MCM3AP: variants seen among roughly 807,000 people sequenced by gnomAD.
MCM3AP encodes the protein germinal-center associated nuclear protein.
A neutral mutation model predicts 184.1 loss-of-function variants in MCM3AP; 126 were observed. That is an observed-to-expected ratio of 0.68 (90% CI 0.59 to 0.79). The LOEUF (loss-of-function observed/expected upper bound fraction) is 0.79, where lower values mean the gene tolerates loss of function less well. Among genes scored for constraint, MCM3AP ranks in the 30% least tolerant of loss-of-function variants. The probability of loss-of-function intolerance (pLI) is 0.00; values close to 1 mark genes in which losing one functional copy is unlikely to be tolerated. For missense variants in MCM3AP, 2,496 were observed against 2,479.2 expected (o/e 1.01, Z -0.14); for synonymous variants, 1,002 against 979.3 (o/e 1.02, Z -0.43).
Position 46,284,491 on chromosome 21 carries a change from T to C in MCM3AP, c.796A>G (p.Ser266Gly). 6.2e-7 allele frequency: 1 copy of C among 1,614,222 alleles called. No homozygotes were observed. Residue 266 changes from serine to glycine, a missense_variant, in exon 1 of 28, where the codon AGC becomes GGC. This residue lies in a region of MCM3AP where 800 missense variants were observed against 717.1 expected (regional missense o/e 1.12). Coordinates refer to ENST00000291688, the MANE Select transcript of MCM3AP (RefSeq NM_003906.5). The stretch of plus-strand genomic sequence containing the variant: ...CACCCCTGCCTGACACCTGCTTTGC[T>C]AGCCTGGAAAGGTTCGCCCAAAACC... ...SAVLGEPFQA[S>G]KAGVRQGCEE...
chr21:46,280,274 T>A, intron 3 of MCM3AP, 137 bp from the exon 4 acceptor site: 1 of 1,046,102 alleles, frequency 9.6e-7, no homozygotes, highest in South Asian at 1.4e-5. Context: ...GAAATAACTG[T>A]GAGATGCAAA....
chr21:46,236,614 A>G (rs1403477094), intron 27 of MCM3AP, among the ~76,000 whole-genome samples: 1 of 152,222 alleles, frequency 6.6e-6, no homozygotes, highest in Non-Finnish European at 1.5e-5. Context: ...GAATATTTCA[A>G]TTCTATTCTT....
chr21:46,269,037 C>CAAAAAAAAAAAAAAAAAAAAAAAAAAAAA (rs1569074325), intron 9 of MCM3AP, among the ~76,000 whole-genome samples: 1 of 152,128 alleles, frequency 6.6e-6, no homozygotes, highest in East Asian at 1.9e-4. Context: ...GACTCCATCT[C>CAAAAAAAAAAAAAAAAAAAAAAAAAAAAA]TAAATAAATA....
intron 5 of MCM3AP, among the ~76,000 whole-genome samples, chr21:46,276,770 C>T (rs1211456412): frequency 2.2e-5 from 3 of 137,700 alleles, no homozygotes; most frequent in East Asian, 4.4e-4. Flanking sequence ...CAGAATCTCA[C>T]CCTGTTGTCC....
At chr21:46,264,781 CA>C (rs1448137043) in intron 12 of MCM3AP, among the ~76,000 whole-genome samples, 7 of 57,652 alleles carry the variant, frequency 1.2e-4, no homozygotes, top group African/African-American at 3.1e-4. Context: ...CCACGCCTAT[CA>C]GGGGGCACAG....
intron 22 of MCM3AP, 37 bp from the exon 23 acceptor site, chr21:46,245,234 ACT>A: frequency 1.3e-6 from 2 of 1,560,576 alleles, no homozygotes; most frequent in Non-Finnish European, 1.7e-6. Context: ...AACAATTCAC[ACT>A]GTTTTTCAAA....
Position 46,273,541 on chromosome 21 carries a change from C to G in MCM3AP, c.2043G>C (p.Ala681=), listed in dbSNP as rs183722756. 24 of 1,613,560 alleles carry G rather than the reference C, an allele frequency of 1.5e-5. No homozygotes were observed. The highest frequency in any genetic ancestry group is 1.9e-5 in the Non-Finnish European group (22 of 1,179,818). The change falls in exon 7 of 28, where the codon GCG becomes GCC. Residue 681 remains alanine, a synonymous_variant. Transcript: ENST00000291688. ...CGTGGGGCAGGGGCTCCTCCTGATC[C>G]GCCGAGGACCGACTGTACTCTTTCA... is the stretch of plus-strand genomic sequence containing the variant. ...AAVKEYSRSS[A]DQEEPLPHEL... is the part of the protein sequence containing the mutation.
At chr21:46,260,061 G>C (rs987693743) in intron 15 of MCM3AP, among the ~76,000 whole-genome samples, 7 of 151,848 alleles carry the variant, frequency 4.6e-5, no homozygotes, top group African/African-American at 1.7e-4. Context: ...GGGCGACAGA[G>C]CAAGACTCCG....
At chr21:46,247,054 TC>T in intron 20 of MCM3AP, 168 bp from the exon 21 acceptor site, 1 of 600,544 alleles carries the variant, frequency 1.7e-6, no homozygotes, top group South Asian at 2.3e-5. Flanking sequence ...TTATCTTACT[TC>T]CTGTAGTTAT....
intron 25 of MCM3AP, chr21:46,242,592 C>A: frequency 2.5e-6 from 1 of 405,146 alleles, no homozygotes; most frequent in Non-Finnish European, 4.4e-6. Context: ...GGTATGATTT[C>A]AGGGTCAGGT....
chr21:46,282,589 G>T (rs1197000790), intron 2 of MCM3AP, among the ~76,000 whole-genome samples: 1 of 152,120 alleles, frequency 6.6e-6, no homozygotes, highest in Non-Finnish European at 1.5e-5. Flanking sequence ...CAGATCGTGA[G>T]GTCAGGAGAT....
At chr21:46,283,050 C>T (rs9981296) in intron 2 of MCM3AP, among the ~76,000 whole-genome samples, 3 of 151,698 alleles carry the variant, frequency 2.0e-5, no homozygotes, top group South Asian at 2.1e-4. Flanking sequence ...CTCAGCCTCC[C>T]GAGTAGCTGA....
chr21:46,273,794 G>A (rs942875238), intron 6 of MCM3AP, among the ~76,000 whole-genome samples: 3 of 152,182 alleles, frequency 2.0e-5, no homozygotes, highest in Non-Finnish European at 4.4e-5. Context: ...ATATGACAAG[G>A]AGTTAAGATA....
In MCM3AP at chr21:46,260,871, A is replaced by G; in HGVS notation, c.3503T>C (p.Leu1168Pro). ...KQERELVLSE[L>P]SQGLAVELME... Reference sequence around the variant, plus strand: ...CAGCTCCACGGCCAGGCCCTGGCTCAGCTCACTTAACACCAGCTCTCTCTC... The same window carrying G: ...CAGCTCCACGGCCAGGCCCTGGCTCGGCTCACTTAACACCAGCTCTCTCTC... The change falls in exon 15 of 28, where the codon CTG (leucine) becomes CCG (proline). Residue 1168 changes from leucine to proline, a missense_variant. Physicochemically the swap from Leu to Pro is moderately conservative, Grantham distance 98 (BLOSUM62 -3). Transcript: ENST00000291688. 2.5e-6 allele frequency: 4 copies of G among 1,614,050 alleles called. No homozygotes were observed. The highest frequency in any genetic ancestry group is 3.4e-6 in the Non-Finnish European group (4 of 1,179,884).
rs558524645 is a variant in MCM3AP, at chr21:46,254,483, C to G, written c.4045G>C (p.Glu1349Gln). The G allele has an allele frequency of 3.1e-6, 5 of 1,614,176 alleles. No individual in the cohort carries two copies. The East Asian group carries it at 8.9e-5, about 29-fold the overall frequency. ...ASLDLPSLVA[E>Q]HLPGRQEHVF... Reference sequence around the variant, plus strand: ...TGCTCCTGCCTCCCAGGGAGGTGCTCAGCCACGAGGGATGGCAGGTCCAGA... The same window carrying G: ...TGCTCCTGCCTCCCAGGGAGGTGCTGAGCCACGAGGGATGGCAGGTCCAGA... Residue 1349 changes from glutamate (E) to glutamine (Q), a missense_variant, in exon 19 of 28, where the codon GAG (glutamate) becomes CAG (glutamine). Physicochemically the swap from Glu to Gln is conservative, Grantham distance 29. Around this residue, in one of 5 missense-constraint regions of MCM3AP, gnomAD observed 1,323 missense variants for 1,273.4 expected, o/e 1.04. Coordinates refer to ENST00000291688, the MANE Select transcript of MCM3AP (RefSeq NM_003906.5).
Position 46,267,160 on chromosome 21 carries a change from A to G in MCM3AP, c.2629-18T>C, listed in dbSNP as rs1423951135. The G allele has an allele frequency of 3.7e-6, 6 of 1,610,888 alleles. No individual in the cohort carries two copies. The highest frequency in any genetic ancestry group is 5.1e-6 in the Non-Finnish European group (6 of 1,178,678). ...TTGCGGATCTGAGAGGAGGAGCGAA[A>G]TCACTGCAGTCTCAGACGAAGGCCC... On this transcript the variant is annotated intron_variant, in intron 9 of 27. Transcript: ENST00000291688.
intron 20 of MCM3AP, among the ~76,000 whole-genome samples, chr21:46,247,449 G>A (rs982229961): frequency 1.6e-4 from 10 of 62,282 alleles, no homozygotes; most frequent in African/African-American, 4.9e-4. Context: ...GCAGTGGCAC[G>A]ATCTCAGCTC....
Position 46,254,800 on chromosome 21 carries a change from T to C in MCM3AP, c.3977A>G (p.Gln1326Arg), listed in dbSNP as rs775437982. The change falls in exon 18 of 28, where the codon CAG becomes CGG. Residue 1326 changes from glutamine to arginine, a missense_variant. Gln to Arg is a conservative substitution (Grantham distance 43). Coordinates refer to ENST00000291688, the MANE Select transcript of MCM3AP (RefSeq NM_003906.5). The part of the protein sequence containing the change: ...RNKTAHQMKV[Q>R]HFYQQLLSDV... ...CCTCAGCAGCTGCTGGTAGAAGTGC[T>C]GAACCTTCATCTGGTGAGCTGTCTT... The C allele has an allele frequency of 3.1e-6, 5 of 1,614,004 alleles. No homozygotes were observed. In the South Asian group the frequency reaches 4.4e-5, roughly 14 times the overall value.
intron 14 of MCM3AP, 25 bp downstream of exon 14, chr21:46,261,254 CG>C: frequency 6.2e-7 from 1 of 1,612,588 alleles, no homozygotes. Context: ...GCTCCTTATT[CG>C]GCTGCATGGA....
Sources: gnomAD v4.1 joint callset for allele counts (sites outside exome capture counted in the v4.1 genomes callset) on GRCh38, gnomAD v4.1.1 for gene constraint, gnomAD v4.1.1 regional missense constraint, MANE v1.5 for transcripts, NCBI Gene and HGNC (gene_info 2026-07-23, HGNC 2026-07-21) for gene names.